Variants in C10orf90 observed in about 807,000 individuals in gnomAD.
C10orf90 encodes the protein chromosome 10 open reading frame 90.
C10orf90 carries 56 observed loss-of-function variants against 62.5 expected under a neutral mutation model. That is an observed-to-expected ratio of 0.90 (90% CI 0.72 to 1.12). The LOEUF is 1.12. C10orf90 is among the 50% of genes most tolerant of loss of function. C10orf90 has a pLI of 0.00. For synonymous variants in C10orf90, 386 were observed against 340.4 expected (o/e 1.13, Z -1.47); for missense variants, 970 against 880.4 (o/e 1.10, Z -1.29).
In C10orf90 at chr10:126,425,975, G is replaced by T. The variant is rs1043882905; in HGVS notation, c.2352+16C>A. 6.2e-7 allele frequency: 1 copy of T among 1,613,746 alleles called. No homozygotes were observed. Among genetic ancestry groups the T allele is most frequent in the African/African-American group, 1.3e-5 (1 of 74,928 alleles). ...TGCACCACACACATCACACCTGCTG[G>T]TGACGAGGCCATTACCTTTTTGAAG... is the stretch of plus-strand genomic sequence containing the variant. On this transcript the variant is annotated intron_variant, in intron 9 of 9. Transcript: ENST00000488181.
chr10:126,436,990 C>T (rs1210594326), intron 7 of C10orf90, among the ~76,000 whole-genome samples: 1 of 152,108 alleles, frequency 6.6e-6, no homozygotes. Flanking sequence ...GCTCTATTAA[C>T]CATGAAGAAG....
chr10:126,502,758 C>A (rs748244117), intron 4 of C10orf90: 4 of 508,148 alleles, frequency 7.9e-6, no homozygotes, highest in Non-Finnish European at 1.6e-5. Context: ...TTAGCTTGAG[C>A]AATCTCTTTA....
intron 2 of C10orf90, among the ~76,000 whole-genome samples, chr10:126,517,911 A>C (rs1293350887): frequency 6.8e-6 from 1 of 146,180 alleles, no homozygotes; most frequent in East Asian, 2.0e-4. Context: ...TCCATCTCAA[A>C]AAAAAAAAAA....
At chr10:126,478,080 A>T (rs1425297710) in intron 4 of C10orf90, among the ~76,000 whole-genome samples, 2 of 152,228 alleles carry the variant, frequency 1.3e-5, no homozygotes, top group African/African-American at 4.8e-5. Flanking sequence ...CTAACTTGGA[A>T]TACAGGCCCT....
rs765643115 is a variant in C10orf90 at position 126,505,124 on chromosome 10, A to G, written c.406-39T>C. Reference sequence around the variant, plus strand: ...AAGATCCCGATTATTCAAGCAGTCTATTGAAATATAGACAGTAAACTCTCT... The same window carrying G: ...AAGATCCCGATTATTCAAGCAGTCTGTTGAAATATAGACAGTAAACTCTCT... On this transcript the variant is annotated intron_variant, in intron 3 of 9. Coordinates refer to ENST00000488181, the MANE Select transcript of C10orf90 (RefSeq NM_001350921.2). The G allele has an allele frequency of 2.0e-5, 31 of 1,564,110 alleles. No individual in the cohort carries two copies. In the East Asian group the frequency reaches 6.5e-4, roughly 33 times the overall value.
At chr10:126,446,836 GAA>G (rs61029760) in intron 7 of C10orf90, among the ~76,000 whole-genome samples, 1 of 150,874 alleles carries the variant, frequency 6.6e-6, no homozygotes, top group Non-Finnish European at 1.5e-5. Context: ...AATTTGTTAA[GAA>G]AAAAATATAT....
chr10:126,454,855 C>T lies in C10orf90; in HGVS notation c.2188+4185G>A, dbSNP rs568433873. Among the ~76,000 whole-genome samples, 4 of 152,230 alleles carry T rather than the reference C, an allele frequency of 2.6e-5. No homozygotes were observed. In the East Asian group the frequency reaches 5.8e-4, roughly 22 times the overall value. On this transcript the variant is annotated intron_variant, in intron 7 of 9. Coordinates refer to ENST00000488181, the MANE Select transcript of C10orf90 (RefSeq NM_001350921.2). Reference sequence around the variant, plus strand: ...GTGATGATGGGGAAGCCTTGCTTATCACTCCCAGGCAACTCTGGTGAATTG... The same window carrying T: ...GTGATGATGGGGAAGCCTTGCTTATTACTCCCAGGCAACTCTGGTGAATTG...
At chr10:126,506,145 T>C (rs902077914) in intron 3 of C10orf90, among the ~76,000 whole-genome samples, 4 of 152,250 alleles carry the variant, frequency 2.6e-5, no homozygotes, top group African/African-American at 9.6e-5. Context: ...TATTTTTAAA[T>C]GACCAAGGTG....
intron 2 of C10orf90, among the ~76,000 whole-genome samples, chr10:126,554,522 G>C (rs1163770603): frequency 6.6e-6 from 1 of 152,162 alleles, no homozygotes; most frequent in African/African-American, 2.4e-5. Context: ...TGTGTAGTTT[G>C]CTGCACGTAT....
intron 2 of C10orf90, among the ~76,000 whole-genome samples, chr10:126,533,151 T>G (rs1864149280): frequency 6.6e-6 from 1 of 151,868 alleles, no homozygotes; most frequent in Admixed American, 6.6e-5. Flanking sequence ...AGCCAGGATG[T>G]TCCCGATCTC....
intron 2 of C10orf90, among the ~76,000 whole-genome samples, chr10:126,630,137 T>C (rs1225355164): frequency 1.3e-5 from 2 of 152,202 alleles, no homozygotes; most frequent in African/African-American, 2.4e-5. Flanking sequence ...GATGTCCCTG[T>C]GATGCAGGGA....
chr10:126,479,338 C>G (rs73371037), intron 4 of C10orf90, among the ~76,000 whole-genome samples: 2 of 152,118 alleles, frequency 1.3e-5, no homozygotes, highest in Non-Finnish European at 2.9e-5. Context: ...ATGGGACAAG[C>G]TCTAGGGTCA....
intron 4 of C10orf90, among the ~76,000 whole-genome samples, chr10:126,496,410 T>C (rs1324363259): frequency 6.6e-6 from 1 of 152,214 alleles, no homozygotes; most frequent in African/African-American, 2.4e-5. Context: ...TCAAGACTTA[T>C]CAAGAGATAA....
chr10:126,634,601 C>T (rs1845913362), intron 2 of C10orf90, among the ~76,000 whole-genome samples: 1 of 152,052 alleles, frequency 6.6e-6, no homozygotes, highest in South Asian at 2.1e-4. Context: ...TAAAAAAAAT[C>T]TACTAAGAGG....
At chr10:126,505,179 G>T in intron 3 of C10orf90, 94 bp from the exon 4 acceptor site, 1 of 1,332,058 alleles carries the variant, frequency 7.5e-7, no homozygotes, top group Non-Finnish European at 1.0e-6. Context: ...CCAGAGCACT[G>T]GGTTCATAAC....
intron 2 of C10orf90, among the ~76,000 whole-genome samples, chr10:126,622,879 T>C (rs1845673061): frequency 6.6e-6 from 1 of 152,186 alleles, no homozygotes; most frequent in Admixed American, 6.5e-5. Flanking sequence ...GACATAAAAT[T>C]ATTTAATTTA....
intron 4 of C10orf90, chr10:126,496,651 A>T (rs1198205247): frequency 1.5e-5 from 15 of 985,210 alleles, no homozygotes; most frequent in Non-Finnish European, 1.8e-5. Context: ...TACTTTTCAC[A>T]ACCTACCTCT....
intron 1 of C10orf90, among the ~76,000 whole-genome samples, chr10:126,647,691 T>C (rs1275108637): frequency 6.6e-6 from 1 of 152,252 alleles, no homozygotes; most frequent in African/African-American, 2.4e-5. Flanking sequence ...AGCCATGTGA[T>C]TATTAATTCT....
At chr10:126,434,463 G>A (rs886732310) in intron 7 of C10orf90, among the ~76,000 whole-genome samples, 4 of 152,104 alleles carry the variant, frequency 2.6e-5, no homozygotes, top group African/African-American at 4.8e-5. Context: ...AAGTTCACAC[G>A]ATTTATTAGG....
Sources: allele counts gnomAD v4.1 joint callset (sites outside exome capture counted in the v4.1 genomes callset), GRCh38; gene constraint gnomAD v4.1.1; transcripts MANE v1.5; gene names NCBI Gene and HGNC (gene_info 2026-07-23, HGNC 2026-07-21).